The following FANK1 variants were observed in gnomAD, a reference collection of about 807,000 sequenced individuals.
FANK1 encodes fibronectin type 3 and ankyrin repeat domains protein 1.
In FANK1, 44 loss-of-function variants were observed where a neutral mutation model predicts 45.3. That is an observed-to-expected ratio of 0.97 (90% CI 0.76 to 1.25). FANK1 has a LOEUF of 1.25. Ranked by LOEUF, FANK1 falls within the 50% of genes most tolerant of loss-of-function variation. FANK1 has a pLI of 0.00. For missense variants in FANK1, 391 were observed against 424.4 expected (o/e 0.92, Z 0.69); for synonymous variants, 149 against 152.5 (o/e 0.98, Z 0.17).
chr10:125,921,357 T>C (rs1273597676), intron 1 of FANK1, among the ~76,000 whole-genome samples: 1 of 152,242 alleles, frequency 6.6e-6, no homozygotes, highest in Admixed American at 6.5e-5. Context: ...TATCAACAGT[T>C]ATTCCTTTTT....
At chr10:125,954,457 T>C (rs187933064) in intron 1 of FANK1, among the ~76,000 whole-genome samples, 1 of 152,328 alleles carries the variant, frequency 6.6e-6, no homozygotes, top group East Asian at 1.9e-4. Context: ...ATTAGTATTG[T>C]CATGATGGTT....
chr10:125,971,837 T>A (rs558454012), intron 1 of FANK1, among the ~76,000 whole-genome samples: 3 of 152,142 alleles, frequency 2.0e-5, no homozygotes, highest in Non-Finnish European at 2.9e-5. Context: ...TTAGCCAGGA[T>A]GGTCTCGATC....
chr10:125,947,512 AAAG>A lies in FANK1; in HGVS notation c.14-32645_14-32643del, dbSNP rs1384809879. Among the ~76,000 whole-genome samples the A allele has an allele frequency of 6.1e-5, 9 of 146,342 alleles. No individual in the cohort carries two copies. The East Asian group carries it at 1.6e-3, about 27-fold the overall frequency. On this transcript the variant is annotated intron_variant, in intron 1 of 10. Transcript: ENST00000368693. The stretch of plus-strand genomic sequence containing the variant: ...CAAACCAACAAAGATCAAAAGAGAC[AAAG>A]AAGGCCATTACATAATGGTAAAGGG...
At chr10:125,993,911 C>A (rs1207533166) in intron 3 of FANK1, among the ~76,000 whole-genome samples, 3 of 152,230 alleles carry the variant, frequency 2.0e-5, no homozygotes, top group East Asian at 3.8e-4. Flanking sequence ...GGCTAAAGAT[C>A]CTTCTGGTAG....
chr10:125,998,969 C>T (rs2134223155), intron 6 of FANK1, among the ~76,000 whole-genome samples: 1 of 152,178 alleles, frequency 6.6e-6, no homozygotes, highest in South Asian at 2.1e-4. Context: ...CAGAGGACAA[C>T]CTTATTGCTA....
intron 2 of FANK1, among the ~76,000 whole-genome samples, chr10:125,987,767 C>T (rs139898303): frequency 2.0e-5 from 3 of 152,116 alleles, no homozygotes; most frequent in Non-Finnish European, 4.4e-5. Context: ...AAGCCAGGCT[C>T]CTGGGACCTG....
At chr10:125,990,964 A>G (rs528564594) in intron 3 of FANK1, among the ~76,000 whole-genome samples, 38 of 152,240 alleles carry the variant, frequency 2.5e-4, no homozygotes, top group African/African-American at 8.2e-4. Context: ...CTATCATGAG[A>G]ACAGCATGGG....
At chr10:126,000,138 A>G (rs1426754506) in intron 6 of FANK1, among the ~76,000 whole-genome samples, 2 of 152,236 alleles carry the variant, frequency 1.3e-5, no homozygotes, top group Non-Finnish European at 2.9e-5. Flanking sequence ...AAATAAAGAC[A>G]TGTCATATGC....
At chr10:125,967,748 C>T (rs987854820) in intron 1 of FANK1, among the ~76,000 whole-genome samples, 8 of 152,184 alleles carry the variant, frequency 5.3e-5, no homozygotes, top group Admixed American at 5.2e-4. Context: ...GGACTACAGG[C>T]ATGTGCCAGC....
chr10:126,005,895 G>T (rs1953160644), intron 7 of FANK1, among the ~76,000 whole-genome samples: 1 of 152,192 alleles, frequency 6.6e-6, no homozygotes, highest in African/African-American at 2.4e-5. Context: ...CAGGCAAGTG[G>T]TCTACTTTTG....
intron 1 of FANK1, among the ~76,000 whole-genome samples, chr10:125,947,663 T>A (rs1948907734): frequency 6.6e-6 from 1 of 150,436 alleles, no homozygotes; most frequent in African/African-American, 2.4e-5. Context: ...ACATTAATAA[T>A]GGGAGACTTT....
At chr10:125,952,411 C>A (rs1294874533) in intron 1 of FANK1, among the ~76,000 whole-genome samples, 2 of 152,042 alleles carry the variant, frequency 1.3e-5, no homozygotes, top group African/African-American at 4.8e-5. Flanking sequence ...AACCACTGAG[C>A]TGTATGATTT....
chr10:125,949,970 C>G (rs1173565965), intron 1 of FANK1, among the ~76,000 whole-genome samples: 1 of 119,950 alleles, frequency 8.3e-6, no homozygotes, highest in African/African-American at 2.9e-5. Flanking sequence ...CGCATATCTA[C>G]AACTATCTGA....
rs749820183 is a variant in FANK1, at chr10:126,009,116, A to C, written c.912A>C (p.Ala304=). 1.6e-5 allele frequency: 26 copies of C among 1,614,236 alleles called. No individual in the cohort carries two copies. The South Asian group carries it at 2.4e-4, about 15-fold the overall frequency. ...TACTTCTTGACAAAGGGGCAGATGCAAGTGTAAAAAATGAGGTAAATGAGT... is the reference window on the plus strand; with the variant it reads ...TACTTCTTGACAAAGGGGCAGATGCCAGTGTAAAAAATGAGGTAAATGAGT... ...VQLLLDKGAD[A]SVKNEFGKGV... Residue 304 remains alanine (A), a synonymous_variant, in exon 9 of 11, where the codon GCA becomes GCC. Coordinates refer to ENST00000368693, the MANE Select transcript of FANK1 (RefSeq NM_145235.5).
At position 125,980,294 on chromosome 10, in the gene FANK1, T is replaced by G; in HGVS notation, c.147T>G (p.Ile49Met). Reference protein sequence around the residue: ...GPQEQWFRFSIEEEDPKMHTY... With the variant: ...GPQEQWFRFSMEEEDPKMHTY... ...AAGAGCAGTGGTTCAGGTTCTCGAT[T>G]GAAGAAGAAGACCCCAAAATGCACA... Residue 49 changes from isoleucine to methionine, a missense_variant, in exon 2 of 11, where the codon ATT becomes ATG. Coordinates refer to ENST00000368693, the MANE Select transcript of FANK1 (RefSeq NM_145235.5). The G allele has an allele frequency of 6.2e-7, 1 of 1,614,124 alleles. No individual in the cohort carries two copies. Among genetic ancestry groups the G allele is most frequent in the Non-Finnish European group, 8.5e-7 (1 of 1,180,026 alleles).
chr10:125,921,140 C>G (rs554926170), intron 1 of FANK1, among the ~76,000 whole-genome samples: 1 of 152,314 alleles, frequency 6.6e-6, no homozygotes, highest in East Asian at 1.9e-4. Context: ...GTGAACTTAT[C>G]TGCCCATGTA....
chr10:125,935,120 C>G (rs1318375464), intron 1 of FANK1, among the ~76,000 whole-genome samples: 1 of 152,164 alleles, frequency 6.6e-6, no homozygotes, highest in African/African-American at 2.4e-5. Context: ...ATAGAGACAC[C>G]CTGTCTTGGG....
At chr10:125,952,441 G>A (rs1004744965) in intron 1 of FANK1, among the ~76,000 whole-genome samples, 2 of 152,116 alleles carry the variant, frequency 1.3e-5, no homozygotes, top group African/African-American at 4.8e-5. Flanking sequence ...AATTTATAGT[G>A]TGCAGATTTC....
Position 126,004,547 on chromosome 10 carries a change from A to G in FANK1, c.540-337A>G, listed in dbSNP as rs73372531. On this transcript the variant is annotated intron_variant, in intron 6 of 10. Coordinates refer to ENST00000368693, the MANE Select transcript of FANK1 (RefSeq NM_145235.5). ...TACTCCTTCCCTTCAGCCGCAGGCA[A>G]CCGCTCACCTGCTAGTTCTGTCTTG... 817 of 224,352 alleles carry G rather than the reference A, an allele frequency of 3.6e-3. 8 individuals carry two copies. The highest frequency in any genetic ancestry group is 0.017 in the African/African-American group (738 of 43,964). The allele number at this position is 224,352 out of a possible 1,614,324, so 13.9% of individuals were successfully genotyped here.
Sources: allele counts gnomAD v4.1 joint callset (sites outside exome capture counted in the v4.1 genomes callset), GRCh38; gene constraint gnomAD v4.1.1; transcripts MANE v1.5; gene names NCBI Gene and HGNC (gene_info 2026-07-23, HGNC 2026-07-21).